Variants in SOHLH2 observed in about 807,000 individuals in gnomAD.
SOHLH2 encodes spermatogenesis and oogenesis specific basic helix-loop-helix 2, also known as spermatogenesis- and oogenesis-specific basic helix-loop-helix-containing protein 2.
In SOHLH2, 22 loss-of-function variants were observed where a neutral mutation model predicts 50.4. That is an observed-to-expected ratio of 0.44 (90% CI 0.31 to 0.62). The LOEUF (loss-of-function observed/expected upper bound fraction) is 0.62. Among genes scored for constraint, SOHLH2 ranks in the 20% least tolerant of loss-of-function variants. SOHLH2 has a pLI of 0.08. For missense variants in SOHLH2, 412 were observed against 504.4 expected, an observed-to-expected ratio of 0.82 and a Z score of 1.76; for synonymous variants, 185 against 187.3, an observed-to-expected ratio of 0.99 and a Z score of 0.10.
intron 6 of SOHLH2, among the ~76,000 whole-genome samples, chr13:36,186,437 C>T (rs1298815753): frequency 6.6e-6 from 1 of 152,196 alleles, no homozygotes; most frequent in Non-Finnish European, 1.5e-5. Flanking sequence ...AACAAGGACT[C>T]ACAGGGAAAG....
At chr13:36,179,528 C>T (rs958514746) in intron 6 of SOHLH2, among the ~76,000 whole-genome samples, 1 of 152,172 alleles carries the variant, frequency 6.6e-6, no homozygotes. Flanking sequence ...CATGCCTCAG[C>T]CTCACGAGTA....
chr13:36,179,946 C>T (rs1258560001), intron 6 of SOHLH2, among the ~76,000 whole-genome samples: 2 of 152,166 alleles, frequency 1.3e-5, no homozygotes, highest in Non-Finnish European at 2.9e-5. Context: ...ATTCCCTCCT[C>T]CCACTTCTGT....
chr13:36,213,881 C>T (rs1409645287), intron 1 of SOHLH2, among the ~76,000 whole-genome samples: 4 of 152,168 alleles, frequency 2.6e-5, no homozygotes, highest in South Asian at 4.2e-4. Context: ...GAAAATAACG[C>T]GCCTAAATAA....
chr13:36,193,179 T>G (rs1279178586), intron 4 of SOHLH2, among the ~76,000 whole-genome samples: 1 of 152,194 alleles, frequency 6.6e-6, no homozygotes, highest in Non-Finnish European at 1.5e-5. Context: ...CCTCTGCATC[T>G]AAAATCTGAA....
At chr13:36,201,048 C>CAAAAAAAAAA (rs10660002) in intron 2 of SOHLH2, among the ~76,000 whole-genome samples, 72 of 55,728 alleles carry the variant, frequency 1.3e-3, no homozygotes, top group East Asian at 1.7e-3. Flanking sequence ...GACTCTGCCT[C>CAAAAAAAAAA]AAAAAAAAAA....
chr13:36,200,938 A>G (rs1428378542), intron 2 of SOHLH2, among the ~76,000 whole-genome samples: 1 of 150,840 alleles, frequency 6.6e-6, no homozygotes, highest in African/African-American at 2.4e-5. Context: ...CATCCCAGTT[A>G]CTCAGGAGAC....
chr13:36,211,712 A>G (rs1180404878), intron 1 of SOHLH2, among the ~76,000 whole-genome samples: 3 of 152,224 alleles, frequency 2.0e-5, no homozygotes, highest in African/African-American at 7.2e-5. Context: ...GAAGGATCAA[A>G]ATGCTTACGT....
At chr13:36,192,137 G>C (rs1030248634) in intron 4 of SOHLH2, among the ~76,000 whole-genome samples, 6 of 152,188 alleles carry the variant, frequency 3.9e-5, no homozygotes, top group Admixed American at 1.3e-4. Context: ...CCAGATTCTA[G>C]TCACTTAGTG....
chr13:36,191,776 A>C lies in SOHLH2; in HGVS notation c.530+19T>G. On this transcript the variant is annotated intron_variant, in intron 5 of 10. Coordinates refer to ENST00000379881, the MANE Select transcript of SOHLH2 (RefSeq NM_017826.3). ...TTCTCTAAAAATATTGCTATTATGAAAAAGAACAAAAAACTAACCAGGCAA... is the reference window on the plus strand; with the variant it reads ...TTCTCTAAAAATATTGCTATTATGACAAAGAACAAAAAACTAACCAGGCAA... The C allele has an allele frequency of 1.2e-6, 2 of 1,612,178 alleles. No homozygotes were observed. Among genetic ancestry groups the C allele is most frequent in the Non-Finnish European group, 1.7e-6 (2 of 1,179,306 alleles).
intron 1 of SOHLH2, among the ~76,000 whole-genome samples, chr13:36,210,270 C>A (rs1248577208): frequency 1.3e-5 from 2 of 152,170 alleles, no homozygotes; most frequent in Admixed American, 6.5e-5. Flanking sequence ...GGTGAGCACC[C>A]TTTGGGCTAC....
chr13:36,189,513 C>A (rs1177728485), intron 6 of SOHLH2, among the ~76,000 whole-genome samples: 6 of 152,156 alleles, frequency 3.9e-5, no homozygotes, highest in Admixed American at 3.9e-4. Context: ...GATTTCCAAA[C>A]CAAATTAATT....
intron 1 of SOHLH2, among the ~76,000 whole-genome samples, chr13:36,211,943 T>C (rs1003592760): frequency 2.6e-5 from 4 of 152,082 alleles, no homozygotes; most frequent in African/African-American, 9.7e-5. Flanking sequence ...AGCATAAGCT[T>C]TAAAATAATA....
rs866354342 is a variant in SOHLH2 at position 36,181,992 on chromosome 13, T to C, written c.642-7123A>G. 5.5e-5 allele frequency: 51 copies of C among 932,198 alleles called. No individual in the cohort carries two copies. The Middle Eastern group carries it at 2.7e-3, about 50-fold the overall frequency. 57.7% of individuals were successfully genotyped at this position (932,198 alleles called of 1,614,324 possible). A position where few individuals can be genotyped will look rare whatever the true frequency, so the allele number is the denominator to read the frequency against. On this transcript the variant is annotated intron_variant, in intron 6 of 10. Coordinates refer to ENST00000379881, the MANE Select transcript of SOHLH2 (RefSeq NM_017826.3). ...TGAAGAGTCTAAGACATGATAAATA[T>C]GGTGGCATACATTAAAGGGTAGTTT...
chr13:36,203,461 G>A lies in SOHLH2; in HGVS notation c.49-1368C>T, dbSNP rs533905867. Among the ~76,000 whole-genome samples, 5 of 152,292 alleles carry A rather than the reference G, an allele frequency of 3.3e-5. No homozygotes were observed. In the South Asian group the frequency reaches 1.0e-3, roughly 32 times the overall value. On this transcript the variant is annotated intron_variant, in intron 1 of 10. Coordinates refer to ENST00000379881, the MANE Select transcript of SOHLH2 (RefSeq NM_017826.3). ...ATTTTCGATGATGACAATTGATTGA[G>A]ACATTCTCCCAGTGTTGGGTTTTGA... is the stretch of plus-strand genomic sequence containing the variant.
intron 1 of SOHLH2, among the ~76,000 whole-genome samples, chr13:36,207,948 G>A (rs892094842): frequency 2.6e-5 from 4 of 152,252 alleles, no homozygotes; most frequent in South Asian, 2.1e-4. Context: ...TTAAGATGGC[G>A]TCTGCAAGGT....
chr13:36,174,778 T>C lies in SOHLH2; in HGVS notation c.733A>G (p.Thr245Ala). Reference protein sequence around the residue: ...KNDAASVLEATVDYVKYIREK... With the variant: ...KNDAASVLEAAVDYVKYIREK... ...CGGATATATTTCACATAATCAACTG[T>C]TGCCTCAAGAACTGAAGCCGCATCA... Residue 245 changes from threonine to alanine, a missense_variant, in exon 7 of 11, where the codon ACA becomes GCA. By Grantham distance (58) the Thr-to-Ala change is moderately conservative. Transcript: ENST00000379881. 5 of 1,612,820 alleles carry C rather than the reference T, an allele frequency of 3.1e-6. No homozygotes were observed. In the South Asian group the frequency reaches 4.4e-5, roughly 14 times the overall value.
Position 36,170,657 on chromosome 13 carries a change from T to C in SOHLH2, c.1131A>G (p.Ala377=). ...YYSKVTPSYD[A]TAVTNQNISI... ...AAATGTTCTGATTTGTTACAGCAGTTGCATCGTAGGAAGGGGTGACTTTAG... is the reference window on the plus strand; with the variant it reads ...AAATGTTCTGATTTGTTACAGCAGTCGCATCGTAGGAAGGGGTGACTTTAG... The change falls in exon 10 of 11, where the codon GCA becomes GCG. Residue 377 remains alanine, a synonymous_variant. Coordinates refer to ENST00000379881, the MANE Select transcript of SOHLH2 (RefSeq NM_017826.3). 6.2e-7 allele frequency: 1 copy of C among 1,614,180 alleles called. No homozygotes were observed. Among genetic ancestry groups the C allele is most frequent in the Non-Finnish European group, 8.5e-7 (1 of 1,180,022 alleles).
intron 2 of SOHLH2, among the ~76,000 whole-genome samples, chr13:36,194,263 T>C (rs76762208): frequency 1.4e-4 from 21 of 152,142 alleles, no homozygotes; most frequent in African/African-American, 4.8e-4. Flanking sequence ...AAAAGGAAAG[T>C]TGAATCCTGA....
rs1186465091 is a variant in SOHLH2, at chr13:36,174,868, C to T, written c.643G>A (p.Glu215Lys). ...TGCTCACAGCAATATTTGATTCTTT[C>T]CCTGGACACAGAATTGCAATACATA... is the stretch of plus-strand genomic sequence containing the variant. Reference protein sequence around the residue: ...LHSSKEKLRRERIKYCCEQLR... With the variant: ...LHSSKEKLRRKRIKYCCEQLR... Residue 215 changes from glutamate to lysine, a missense_variant and splice_region_variant, in exon 7 of 11, where the codon GAA becomes AAA. Transcript: ENST00000379881. 6.4e-7 allele frequency: 1 copy of T among 1,569,212 alleles called. No individual in the cohort carries two copies. The highest frequency in any genetic ancestry group is 8.6e-7 in the Non-Finnish European group (1 of 1,164,864).
Sources: allele counts gnomAD v4.1 joint callset (sites outside exome capture counted in the v4.1 genomes callset), GRCh38; gene constraint gnomAD v4.1.1; transcripts MANE v1.5; gene names NCBI Gene and HGNC (gene_info 2026-07-23, HGNC 2026-07-21).